Variants in ZFHX3 observed in about 807,000 individuals in gnomAD.
The protein encoded by ZFHX3 is zinc finger homeobox protein 3.
A neutral mutation model predicts 279.1 loss-of-function variants in ZFHX3; 42 were observed. The observed-to-expected ratio is 0.15, with a 90% CI of 0.12 to 0.19. ZFHX3 has a LOEUF of 0.19. Among genes scored for constraint, ZFHX3 ranks in the 10% least tolerant of loss-of-function variants. The pLI is 1.00. For missense variants in ZFHX3, 4,981 were observed against 4,754.0 expected, an observed-to-expected ratio of 1.05 and a Z score of -1.40; for synonymous variants, 2,293 against 1,957.8, an observed-to-expected ratio of 1.17 and a Z score of -4.52.
chr16:73,130,265 AC>A (rs1187909865), intron 7 of ZFHX3, among the ~76,000 whole-genome samples: 1 of 152,178 alleles, frequency 6.6e-6, no homozygotes, highest in African/African-American at 2.4e-5. Flanking sequence ...AAAAAAAAAA[AC>A]ATCAGGGAAA....
intron 5 of ZFHX3, among the ~76,000 whole-genome samples, chr16:73,231,253 C>A (rs1480477418): frequency 6.6e-6 from 1 of 152,120 alleles, no homozygotes; most frequent in Admixed American, 6.5e-5. Context: ...GAGGCGCTTG[C>A]AGGAGAAAGC....
At chr16:73,328,269 C>T (rs1410695891) in intron 3 of ZFHX3, among the ~76,000 whole-genome samples, 2 of 152,024 alleles carry the variant, frequency 1.3e-5, no homozygotes, top group African/African-American at 4.8e-5. Context: ...GTTGCACAGT[C>T]ATCCATTTTA....
chr16:72,959,288 C>T lies in ZFHX3; in HGVS notation c.858G>A (p.Leu286=), dbSNP rs1961439239. Residue 286 remains leucine (L), a synonymous_variant, in exon 2 of 10, where the codon TTG becomes TTA. Coordinates refer to ENST00000268489, the MANE Select transcript of ZFHX3 (RefSeq NM_006885.4). ...GKRKPILMCF[L]CKLSFGYVRS... ...GGACGTACCCAAAGGAGAGTTTGCA[C>T]AAGAAACACATCAGGATGGGCTTCC... 6.2e-7 allele frequency: 1 copy of T among 1,614,192 alleles called. No homozygotes were observed. Among genetic ancestry groups the T allele is most frequent in the Non-Finnish European group, 8.5e-7 (1 of 1,180,038 alleles).
chr16:73,769,864 TA>T (rs1486216450), intron 1 of ZFHX3, among the ~76,000 whole-genome samples: 1 of 152,186 alleles, frequency 6.6e-6, no homozygotes, highest in Non-Finnish European at 1.5e-5. Flanking sequence ...GCTCCAGTGA[TA>T]AACAGAACTC....
chr16:72,937,659 A>C lies in ZFHX3; in HGVS notation c.3216+12810T>G, dbSNP rs546453297. 2.0e-5 allele frequency among the ~76,000 whole-genome samples: 3 copies of C among 152,232 alleles called. No homozygotes were observed. The South Asian group carries it at 6.2e-4, about 32-fold the overall frequency. On this transcript the variant is annotated intron_variant, in intron 3 of 9. Coordinates refer to ENST00000268489, the MANE Select transcript of ZFHX3 (RefSeq NM_006885.4). ...AGCTTCAGGGCCACCGCCATGCTAC[A>C]CCCCGCAGCTGCTCCCACGCCACCT...
At chr16:73,471,197 G>A (rs1273328879) in intron 2 of ZFHX3, among the ~76,000 whole-genome samples, 2 of 152,168 alleles carry the variant, frequency 1.3e-5, no homozygotes, top group East Asian at 3.9e-4. Flanking sequence ...ATTGCTCTTA[G>A]GATGTGTAAC....
chr16:73,446,624 A>G (rs942967959), intron 3 of ZFHX3, among the ~76,000 whole-genome samples: 2 of 152,154 alleles, frequency 1.3e-5, no homozygotes, highest in African/African-American at 4.8e-5. Context: ...TTAGCAAACT[A>G]ACACAGGAAT....
At chr16:73,854,558 T>C (rs546127249) in intron 1 of ZFHX3, among the ~76,000 whole-genome samples, 20 of 151,882 alleles carry the variant, frequency 1.3e-4, no homozygotes, top group Non-Finnish European at 2.2e-4. Flanking sequence ...TTATTTTAGA[T>C]GGAAAATAAG....
intron 1 of ZFHX3, among the ~76,000 whole-genome samples, chr16:73,003,456 G>A (rs1384235279): frequency 3.3e-5 from 5 of 151,948 alleles, no homozygotes; most frequent in African/African-American, 1.2e-4. Flanking sequence ...GGGAGGCCAA[G>A]GTGGGTGGAT....
intron 2 of ZFHX3, among the ~76,000 whole-genome samples, chr16:73,500,678 G>A (rs951533905): frequency 8.6e-4 from 70 of 81,050 alleles, no homozygotes; most frequent in Middle Eastern, 0.014. Context: ...AAAAAAAAAA[G>A]AGTTTTAAAA....
intron 3 of ZFHX3, among the ~76,000 whole-genome samples, chr16:73,422,756 A>G (rs2143495870): frequency 1.3e-5 from 2 of 152,168 alleles, no homozygotes; most frequent in South Asian, 4.2e-4. Flanking sequence ...AACTCCCTCT[A>G]CCACCTATGT....
intron 3 of ZFHX3, among the ~76,000 whole-genome samples, chr16:73,430,370 T>A (rs2017889470): frequency 6.6e-6 from 1 of 152,164 alleles, no homozygotes; most frequent in African/African-American, 2.4e-5. Flanking sequence ...AAAATTTAAA[T>A]GTATATGGGT....
chr16:73,514,617 A>G (rs1216650679), intron 2 of ZFHX3, among the ~76,000 whole-genome samples: 1 of 152,218 alleles, frequency 6.6e-6, no homozygotes, highest in Non-Finnish European at 1.5e-5. Flanking sequence ...TAACCATCAT[A>G]ACTCTTTGAG....
At chr16:73,328,511 C>T (rs2015737104) in intron 3 of ZFHX3, among the ~76,000 whole-genome samples, 3 of 152,134 alleles carry the variant, frequency 2.0e-5, no homozygotes, top group Non-Finnish European at 2.9e-5. Context: ...ATTCTTATCC[C>T]TGTTTTAAAT....
intron 3 of ZFHX3, among the ~76,000 whole-genome samples, chr16:72,913,981 C>T (rs1258685464): frequency 6.6e-6 from 1 of 152,182 alleles, no homozygotes; most frequent in Non-Finnish European, 1.5e-5. Context: ...TTACAACAAT[C>T]CTCCCAAATG....
rs1967146430 is a variant in ZFHX3 at position 73,158,321 on chromosome 16, G to A, written c.-1103-14490C>T. 2.6e-5 allele frequency among the ~76,000 whole-genome samples: 4 copies of A among 152,156 alleles called. No individual in the cohort carries two copies. The South Asian group carries it at 8.3e-4, about 32-fold the overall frequency. On this transcript the variant is annotated intron_variant, in intron 5 of 17. Transcript: ENST00000641206. The stretch of plus-strand genomic sequence containing the variant: ...CAAGACAAGTAATGACAACTGAATA[G>A]TTTAAAATCTTTATAAGACTGGTAG...
chr16:73,863,548 C>G (rs952408198), intron 1 of ZFHX3, among the ~76,000 whole-genome samples: 1 of 152,176 alleles, frequency 6.6e-6, no homozygotes, highest in Non-Finnish European at 1.5e-5. Context: ...ATCCGAAAGG[C>G]AATAAAAGAC....
At chr16:72,844,850 G>GA (rs2037437520) in intron 4 of ZFHX3, among the ~76,000 whole-genome samples, 3 of 152,112 alleles carry the variant, frequency 2.0e-5, no homozygotes, top group Admixed American at 2.0e-4. Context: ...AGACTGCCCC[G>GA]AAAACCCTGC....
intron 5 of ZFHX3, among the ~76,000 whole-genome samples, chr16:73,147,645 T>A (rs983645909): frequency 7.9e-6 from 1 of 126,958 alleles, no homozygotes; most frequent in Non-Finnish European, 1.6e-5. Context: ...TGAGCCGAGA[T>A]CGCGCCACCG....
Sources: allele counts gnomAD v4.1 joint callset (sites outside exome capture counted in the v4.1 genomes callset), GRCh38; gene constraint gnomAD v4.1.1; transcripts MANE v1.5; gene names NCBI Gene and HGNC (gene_info 2026-07-23, HGNC 2026-07-21).